Variants in TNFRSF10B observed in about 807,000 individuals in gnomAD.
TNFRSF10B encodes the protein tumor necrosis factor receptor superfamily member 10B.
A neutral mutation model predicts 41.4 loss-of-function variants in TNFRSF10B; 35 were observed. The ratio of observed to expected loss-of-function variants is 0.85; its 90% CI spans 0.65 to 1.12. The LOEUF is 1.12. Among genes scored for constraint, TNFRSF10B ranks in the 50% most tolerant of loss-of-function variants. The pLI is 0.00. For missense variants in TNFRSF10B, 584 were observed against 552.7 expected, an observed-to-expected ratio of 1.06 and a Z score of -0.57; for synonymous variants, 230 against 215.5, an observed-to-expected ratio of 1.07 and a Z score of -0.59.
intron 4 of TNFRSF10B, among the ~76,000 whole-genome samples, chr8:23,029,042 A>G (rs1027823417): frequency 1.3e-5 from 2 of 152,188 alleles, no homozygotes; most frequent in African/African-American, 4.8e-5. Context: ...GGGCCAGAGA[A>G]GAGCAAATTA....
At chr8:23,044,286 A>C (rs1335369486) in intron 1 of TNFRSF10B, among the ~76,000 whole-genome samples, 1 of 152,258 alleles carries the variant, frequency 6.6e-6, no homozygotes, top group Non-Finnish European at 1.5e-5. Flanking sequence ...TGTGATCCCC[A>C]AAACACAAGC....
intron 1 of TNFRSF10B, among the ~76,000 whole-genome samples, chr8:23,044,716 TC>T (rs1209136047): frequency 1.3e-5 from 2 of 151,560 alleles, no homozygotes; most frequent in East Asian, 3.9e-4. Flanking sequence ...ATGTTGTACC[TC>T]AAGGAAATAG....
intron 2 of TNFRSF10B, among the ~76,000 whole-genome samples, chr8:23,034,669 T>G (rs1443120882): frequency 6.6e-6 from 1 of 152,210 alleles, no homozygotes; most frequent in East Asian, 1.9e-4. Flanking sequence ...CAAGCTGCAG[T>G]GTGCTATGAT....
intron 1 of TNFRSF10B, among the ~76,000 whole-genome samples, chr8:23,053,614 A>T (rs934725093): frequency 1.3e-5 from 2 of 152,200 alleles, no homozygotes; most frequent in Non-Finnish European, 2.9e-5. Context: ...ATAAAAGCAC[A>T]ATGGGTTTCT....
At chr8:23,068,481 C>A in intron 1 of TNFRSF10B, 1 of 556,828 alleles carries the variant, frequency 1.8e-6, no homozygotes, top group South Asian at 2.3e-5. Context: ...GCAGCTTACT[C>A]GGGAATTCCC....
chr8:23,042,174 G>A (rs1469756050), intron 2 of TNFRSF10B, among the ~76,000 whole-genome samples: 2 of 152,194 alleles, frequency 1.3e-5, no homozygotes, highest in Non-Finnish European at 2.9e-5. Flanking sequence ...AGCAATAGGA[G>A]CATTTACAGA....
Position 23,022,990 on chromosome 8 carries a change from G to T in TNFRSF10B, c.1010-6C>A. On this transcript the variant is annotated splice_region_variant and splice_polypyrimidine_tract_variant and intron_variant, in intron 8 of 8. Coordinates refer to ENST00000276431, the MANE Select transcript of TNFRSF10B (RefSeq NM_003842.5). ...ATCGAAGCACTGTCTCAGAGCTGGT[G>T]GAGAAAGCCACAGAGACAGCCAGGT... is the stretch of plus-strand genomic sequence containing the variant. The T allele has an allele frequency of 6.2e-7, 1 of 1,609,768 alleles. No homozygotes were observed. The highest frequency in any genetic ancestry group is 8.5e-7 in the Non-Finnish European group (1 of 1,179,988).
rs1400091772 is a variant in TNFRSF10B, at chr8:23,027,153, C to CG, written c.915dup (p.Gly306ArgfsTer13). The stretch of plus-strand genomic sequence containing the variant: ...CTCACCAGCAGATGCTCTGACTCCC[C>CG]GGGGGACAACATGTTGACACCTGTT... On this transcript the variant is annotated frameshift_variant, in exon 7 of 9. Transcript: ENST00000276431. LOFTEE classifies it high-confidence loss of function. The CG allele has an allele frequency of 6.2e-7, 1 of 1,614,036 alleles. No individual in the cohort carries two copies. Among genetic ancestry groups the CG allele is most frequent in the Non-Finnish European group, 8.5e-7 (1 of 1,180,028 alleles).
At chr8:23,049,783 C>T (rs73544880) in intron 1 of TNFRSF10B, 3,253 of 152,254 alleles carry the variant, frequency 0.021, 39 homozygotes, top group South Asian at 0.042. Context: ...TCACCTGCAT[C>T]TCATTATTGG....
chr8:23,057,266 C>T (rs1254327657), intron 1 of TNFRSF10B, among the ~76,000 whole-genome samples: 1 of 151,444 alleles, frequency 6.6e-6, no homozygotes, highest in African/African-American at 2.4e-5. Flanking sequence ...AGGATGGTCT[C>T]AATCTCCTGA....
At chr8:23,068,465 C>T (rs1003246592) in intron 1 of TNFRSF10B, 9 of 532,078 alleles carry the variant, frequency 1.7e-5, no homozygotes, top group Admixed American at 1.4e-4. Flanking sequence ...CTCTCCGTGG[C>T]TTCACGCAGC....
At chr8:23,033,200 T>C (rs751224751) in intron 2 of TNFRSF10B, among the ~76,000 whole-genome samples, 9 of 152,090 alleles carry the variant, frequency 5.9e-5, no homozygotes, top group Non-Finnish European at 1.2e-4. Flanking sequence ...AGCACATTAC[T>C]AGTAGATCTG....
chr8:23,027,438 C>T lies in TNFRSF10B; in HGVS notation c.781-150G>A, dbSNP rs370388593. The T allele has an allele frequency of 2.0e-5, 20 of 1,001,526 alleles. No homozygotes were observed. In the African/African-American group the frequency reaches 2.5e-4, roughly 13 times the overall value. The allele number at this position is 1,001,526 out of a possible 1,614,324, so 62.0% of individuals were successfully genotyped here. On this transcript the variant is annotated intron_variant, in intron 6 of 8. Coordinates refer to ENST00000276431, the MANE Select transcript of TNFRSF10B (RefSeq NM_003842.5). The stretch of plus-strand genomic sequence containing the variant: ...CAGCCCAGACTCAGCACATCCAGGA[C>T]CCGCTGCTGGGGCCAGGCCCCCAGT...
chr8:23,023,892 C>G (rs1026693467), intron 8 of TNFRSF10B, among the ~76,000 whole-genome samples: 1 of 152,122 alleles, frequency 6.6e-6, no homozygotes, highest in Non-Finnish European at 1.5e-5. Flanking sequence ...CAGGCCAGCC[C>G]CTCAGGAGGT....
At chr8:23,030,665 C>A (rs1395254977) in intron 3 of TNFRSF10B, 94 bp downstream of exon 3, 1 of 924,640 alleles carries the variant, frequency 1.1e-6, no homozygotes, top group Admixed American at 2.0e-5. Flanking sequence ...CCAAGGTGGA[C>A]CAGAATCTAG....
chr8:23,065,956 T>C (rs1039006310), intron 1 of TNFRSF10B, among the ~76,000 whole-genome samples: 9 of 152,062 alleles, frequency 5.9e-5, no homozygotes, highest in African/African-American at 2.2e-4. Flanking sequence ...TACTCAAGAA[T>C]ATTTAAAAAA....
chr8:23,043,060 A>C, intron 2 of TNFRSF10B, 78 bp downstream of exon 2: 1 of 1,340,156 alleles, frequency 7.5e-7, no homozygotes, highest in Non-Finnish European at 1.1e-6. Flanking sequence ...AGAACAAGGA[A>C]GTGCAAAGGA....
At chr8:23,037,682 G>A (rs369869828) in intron 2 of TNFRSF10B, among the ~76,000 whole-genome samples, 1 of 152,198 alleles carries the variant, frequency 6.6e-6, no homozygotes, top group Non-Finnish European at 1.5e-5. Flanking sequence ...AAAACTGCTG[G>A]CTTGGTAAGA....
Position 23,021,532 on chromosome 8 carries a change from T to C in TNFRSF10B, c.*1139A>G. 2.2e-6 allele frequency: 1 copy of C among 454,140 alleles called. No homozygotes were observed. Among genetic ancestry groups the C allele is most frequent in the South Asian group, 1.6e-5 (1 of 64,482 alleles). 28.1% of individuals were successfully genotyped at this position (454,140 alleles called of 1,614,324 possible). On this transcript the variant is annotated 3_prime_UTR_variant, in exon 9 of 9. Coordinates refer to ENST00000276431, the MANE Select transcript of TNFRSF10B (RefSeq NM_003842.5). ...ACAGGGCTCAAGTTCACTTGGGATA[T>C]GACATAGACCCTATTGTTATGTGTG... is the stretch of plus-strand genomic sequence containing the variant.
Sources: gnomAD v4.1 joint callset for allele counts (sites outside exome capture counted in the v4.1 genomes callset) on GRCh38, gnomAD v4.1.1 for gene constraint, MANE v1.5 for transcripts, NCBI Gene and HGNC (gene_info 2026-07-23, HGNC 2026-07-21) for gene names.